Variants in FMN2 observed in about 807,000 individuals in gnomAD.
FMN2 encodes the protein formin 2.
Under a neutral mutation model 142.3 loss-of-function variants are expected in FMN2, and 51 were observed. That is an observed-to-expected ratio of 0.36 (90% CI 0.29 to 0.45). The LOEUF (loss-of-function observed/expected upper bound fraction) is 0.45. FMN2 is among the 20% of genes least tolerant of loss of function. FMN2 has a pLI of 1.00. For missense variants in FMN2, 1,936 were observed against 2,122.8 expected (o/e 0.91, Z 1.73); for synonymous variants, 882 against 869.8 (o/e 1.01, Z -0.25).
intron 15 of FMN2, among the ~76,000 whole-genome samples, chr1:240,406,048 G>A (rs1674150846): frequency 7.1e-6 from 1 of 140,748 alleles, no homozygotes; most frequent in South Asian, 2.3e-4. Context: ...AGGAGTCGGG[G>A]AAGCGAAGGG....
intron 13 of FMN2, among the ~76,000 whole-genome samples, chr1:240,345,510 G>A (rs1051630209): frequency 3.1e-4 from 47 of 152,102 alleles, no homozygotes; most frequent in Middle Eastern, 3.4e-3. Context: ...TTGCTCTGTC[G>A]CCCAGGCTGG....
chr1:240,402,895 T>G (rs576727478), intron 15 of FMN2, among the ~76,000 whole-genome samples: 1 of 152,334 alleles, frequency 6.6e-6, no homozygotes, highest in East Asian at 1.9e-4. Context: ...TTCTTCAGAC[T>G]TTTTTCTTCT....
intron 2 of FMN2, among the ~76,000 whole-genome samples, chr1:240,153,661 G>T (rs1021617568): frequency 6.6e-6 from 1 of 152,096 alleles, no homozygotes; most frequent in Non-Finnish European, 1.5e-5. Context: ...ACTGCTCCCA[G>T]CCTGTATGAT....
chr1:240,136,565 C>G (rs1195942183), intron 2 of FMN2, among the ~76,000 whole-genome samples: 1 of 151,702 alleles, frequency 6.6e-6, no homozygotes, highest in African/African-American at 2.4e-5. Context: ...TTTTAATCAC[C>G]CATTTGGCAA....
At chr1:240,167,972 T>C (rs2103304443) in intron 2 of FMN2, among the ~76,000 whole-genome samples, 1 of 152,226 alleles carries the variant, frequency 6.6e-6, no homozygotes, top group Admixed American at 6.5e-5. Context: ...CTGAGGAAGC[T>C]GAGGCAGAAG....
intron 16 of FMN2, among the ~76,000 whole-genome samples, chr1:240,468,206 ATGTGTGTG>A (rs199866888): frequency 0.016 from 2,389 of 147,958 alleles, 35 homozygotes; most frequent in Middle Eastern, 0.028. Context: ...ATATATATAT[ATGTGTGTG>A]TGTGTGTGTG....
chr1:240,174,501 T>C (rs888661895), intron 2 of FMN2, among the ~76,000 whole-genome samples: 1 of 152,154 alleles, frequency 6.6e-6, no homozygotes, highest in African/African-American at 2.4e-5. Flanking sequence ...AATAAAAGTG[T>C]GTGCCACCAT....
At chr1:240,130,794 T>C (rs1662703977) in intron 2 of FMN2, among the ~76,000 whole-genome samples, 1 of 152,196 alleles carries the variant, frequency 6.6e-6, no homozygotes, top group African/African-American at 2.4e-5. Flanking sequence ...ATTTTTTATT[T>C]TTCAGCTCAT....
At chr1:240,263,817 G>T (rs1365491331) in intron 7 of FMN2, among the ~76,000 whole-genome samples, 1 of 152,162 alleles carries the variant, frequency 6.6e-6, no homozygotes, top group Non-Finnish European at 1.5e-5. Flanking sequence ...ACCCAGCCCA[G>T]GGTATGAATG....
At chr1:240,392,604 A>T (rs1484593388) in intron 15 of FMN2, 42 bp downstream of exon 15, 1 of 1,514,270 alleles carries the variant, frequency 6.6e-7, no homozygotes. Flanking sequence ...GCGTTATAAC[A>T]TGCTAAGTGT....
At chr1:240,274,624 T>C (rs1174102603) in intron 7 of FMN2, among the ~76,000 whole-genome samples, 1 of 152,104 alleles carries the variant, frequency 6.6e-6, no homozygotes, top group Non-Finnish European at 1.5e-5. Context: ...AGGGATGCTC[T>C]GCTGAGTGCA....
At chr1:240,137,046 G>A (rs1376789309) in intron 2 of FMN2, among the ~76,000 whole-genome samples, 1 of 145,128 alleles carries the variant, frequency 6.9e-6, no homozygotes, top group Non-Finnish European at 1.5e-5. Context: ...CTCCAGCCTG[G>A]GTGACAGAGT....
At chr1:240,174,248 G>A (rs1283772283) in intron 2 of FMN2, among the ~76,000 whole-genome samples, 2 of 152,184 alleles carry the variant, frequency 1.3e-5, no homozygotes, top group Non-Finnish European at 2.9e-5. Flanking sequence ...GTTTTCTGGG[G>A]CTGTGTAGAA....
chr1:240,310,266 C>T (rs1455148115), intron 8 of FMN2, among the ~76,000 whole-genome samples: 1 of 152,182 alleles, frequency 6.6e-6, no homozygotes, highest in Non-Finnish European at 1.5e-5. Flanking sequence ...ATACAACACA[C>T]TTTCTTTTTG....
Position 240,172,623 on chromosome 1 carries a change from A to C in FMN2, c.1783-5298A>C, listed in dbSNP as rs1307175976. Among the ~76,000 whole-genome samples, 4 of 152,166 alleles carry C rather than the reference A, an allele frequency of 2.6e-5. No individual in the cohort carries two copies. The South Asian group carries it at 6.2e-4, about 24-fold the overall frequency. ...CATTTTTCCTGATTTACTGATGAGA[A>C]TATTGAGGCTCCAAAAGGTGATGAG... On this transcript the variant is annotated intron_variant, in intron 2 of 17. Coordinates refer to ENST00000319653, the MANE Select transcript of FMN2 (RefSeq NM_020066.5).
chr1:240,379,377 T>C (rs921433855), intron 14 of FMN2, among the ~76,000 whole-genome samples: 1 of 152,196 alleles, frequency 6.6e-6, no homozygotes, highest in African/African-American at 2.4e-5. Context: ...TTTTACTGTA[T>C]ACAGGTGCCA....
chr1:240,267,024 G>T (rs1668837059), intron 7 of FMN2, among the ~76,000 whole-genome samples: 1 of 152,064 alleles, frequency 6.6e-6, no homozygotes, highest in Non-Finnish European at 1.5e-5. Context: ...TACCATTCGG[G>T]ATATTGGCTT....
chr1:240,472,831 G>A (rs536220346), intron 17 of FMN2, among the ~76,000 whole-genome samples: 2 of 151,844 alleles, frequency 1.3e-5, no homozygotes, highest in South Asian at 2.1e-4. Context: ...TGTAGTCCCA[G>A]CTACTTGGGA....
chr1:240,291,557 T>C (rs931758987), intron 7 of FMN2, among the ~76,000 whole-genome samples: 12 of 152,334 alleles, frequency 7.9e-5, no homozygotes, highest in South Asian at 2.1e-4. Context: ...CTGAATATTC[T>C]TTTAAATTTT....
Sources: gnomAD v4.1 joint callset for allele counts (sites outside exome capture counted in the v4.1 genomes callset) on GRCh38, gnomAD v4.1.1 for gene constraint, MANE v1.5 for transcripts, NCBI Gene and HGNC (gene_info 2026-07-23, HGNC 2026-07-21) for gene names.